LRRC7: variants seen among roughly 807,000 people sequenced by gnomAD.
LRRC7 encodes the protein leucine-rich repeat-containing protein 7.
In LRRC7, 23 loss-of-function variants were observed where a neutral mutation model predicts 175.7. The observed-to-expected ratio is 0.13, with a 90% CI of 0.09 to 0.19. The LOEUF is 0.19. Ranked by LOEUF, LRRC7 falls within the 10% of genes least tolerant of loss-of-function variation. The pLI is 1.00. For missense variants in LRRC7, 1,354 were observed against 1,904.7 expected (o/e 0.71, Z 5.38); for synonymous variants, 685 against 680.9 (o/e 1.01, Z -0.09).
intron 1 of LRRC7, among the ~76,000 whole-genome samples, chr1:69,590,623 AT>A (rs1646593001): frequency 6.6e-6 from 1 of 152,174 alleles, no homozygotes; most frequent in Non-Finnish European, 1.5e-5. Flanking sequence ...GCAGCATCAC[AT>A]AAAAATAGCT....
At chr1:69,629,205 A>G (rs1206268337) in intron 1 of LRRC7, among the ~76,000 whole-genome samples, 1 of 152,150 alleles carries the variant, frequency 6.6e-6, no homozygotes, top group Admixed American at 6.6e-5. Context: ...TTGGCAAAAA[A>G]CATAACTGAG....
At position 69,707,382 on chromosome 1, in the gene LRRC7, C is replaced by T. The variant is rs369442754; in HGVS notation, c.100+28904C>T. 1.9e-3 allele frequency among the ~76,000 whole-genome samples: 288 copies of T among 152,292 alleles called. 1 individual carries two copies. Among genetic ancestry groups the T allele is most frequent in the Middle Eastern group, 0.01 (3 of 294 alleles). ...CTGAGTCACCCTGAGGCATATTCCA[C>T]AGTGTCTGTCAGCATCTGCCCGCAG... On this transcript the variant is annotated intron_variant, in intron 2 of 26. Transcript: ENST00000651989.
At chr1:69,889,342 G>A (rs1404719322) in intron 7 of LRRC7, among the ~76,000 whole-genome samples, 1 of 152,188 alleles carries the variant, frequency 6.6e-6, no homozygotes, top group Non-Finnish European at 1.5e-5. Context: ...TCTGTAGCAT[G>A]TGATGCTATT....
At position 69,887,973 on chromosome 1, in the gene LRRC7, G is replaced by T. The variant is rs570541428; in HGVS notation, c.648-43534G>T. Among the ~76,000 whole-genome samples the T allele has an allele frequency of 1.8e-3, 245 of 136,108 alleles. 1 individual carries two copies. The highest frequency in any genetic ancestry group is 0.014 in the East Asian group (62 of 4,460). 89.3% of individuals were successfully genotyped at this position (136,108 alleles called of 152,430 possible). ...ACCCACTTGAGGAGGCAGTCTGCCC[G>T]TTCTCAGATCTCCAGCTGCGTGTTG... On this transcript the variant is annotated intron_variant, in intron 7 of 26. Coordinates refer to ENST00000651989, the MANE Select transcript of LRRC7 (RefSeq NM_001370785.2).
At chr1:69,994,799 A>C (rs192106479) in intron 11 of LRRC7, among the ~76,000 whole-genome samples, 166 bp downstream of exon 11, 1 of 152,240 alleles carries the variant, frequency 6.6e-6, no homozygotes, top group East Asian at 1.9e-4. Flanking sequence ...TGTATATCTT[A>C]ATTTTATATC....
At chr1:69,945,593 T>C (rs574331488) in intron 8 of LRRC7, among the ~76,000 whole-genome samples, 7 of 152,284 alleles carry the variant, frequency 4.6e-5, no homozygotes, top group Admixed American at 2.6e-4. Context: ...CTTTGGGTAG[T>C]ATGGGCATTA....
intron 3 of LRRC7, among the ~76,000 whole-genome samples, chr1:69,768,700 G>T (rs1380820043): frequency 6.6e-6 from 1 of 152,166 alleles, no homozygotes; most frequent in Non-Finnish European, 1.5e-5. Context: ...ATAAAACACA[G>T]AAAATATAAC....
chr1:70,028,150 T>C, intron 17 of LRRC7, 21 bp from the exon 18 acceptor site: 1 of 1,592,502 alleles, frequency 6.3e-7, no homozygotes, highest in Non-Finnish European at 8.6e-7. Context: ...TTATGTTAAA[T>C]TTCTTTTTGT....
rs560874912 is a variant in LRRC7 at position 69,578,866 on chromosome 1, A to G, written c.2+10225A>G. ...TAAATGACGAGTTAATGGGTGCAGC[A>G]CACCAGCATGGCACATGTATACATA... On this transcript the variant is annotated intron_variant, in intron 1 of 26. Coordinates refer to ENST00000651989, the MANE Select transcript of LRRC7 (RefSeq NM_001370785.2). 1.4e-3 allele frequency among the ~76,000 whole-genome samples: 216 copies of G among 151,286 alleles called. 1 individual carries two copies. Among genetic ancestry groups the G allele is most frequent in the African/African-American group, 4.8e-3 (199 of 41,260 alleles).
At chr1:70,069,034 T>C (rs2102108233) in intron 23 of LRRC7, among the ~76,000 whole-genome samples, 1 of 152,338 alleles carries the variant, frequency 6.6e-6, no homozygotes, top group South Asian at 2.1e-4. Flanking sequence ...TATTTCTTGA[T>C]AGTTGTAGGG....
At chr1:70,078,878 TATAG>T (rs1198649430) in intron 24 of LRRC7, among the ~76,000 whole-genome samples, 2 of 150,598 alleles carry the variant, frequency 1.3e-5, no homozygotes, top group Non-Finnish European at 3.0e-5. Context: ...GCACTGAGGG[TATAG>T]AAACAGAAAA....
At chr1:69,665,876 G>A (rs1035982125) in intron 1 of LRRC7, among the ~76,000 whole-genome samples, 1 of 151,940 alleles carries the variant, frequency 6.6e-6, no homozygotes, top group African/African-American at 2.4e-5. Context: ...AAACAGTGGG[G>A]AAAGTGGACA....
intron 1 of LRRC7, among the ~76,000 whole-genome samples, chr1:69,601,355 G>A (rs1040851853): frequency 1.3e-5 from 2 of 152,084 alleles, no homozygotes; most frequent in African/African-American, 4.8e-5. Flanking sequence ...TTACTGCGTG[G>A]ATCATTCTAG....
chr1:70,039,372 G>A lies in LRRC7; in HGVS notation c.3548G>A (p.Arg1183Lys). 6.2e-7 allele frequency: 1 copy of A among 1,614,090 alleles called. No homozygotes were observed. The highest frequency in any genetic ancestry group is 2.2e-5 in the East Asian group (1 of 44,854). The change falls in exon 21 of 27, where the codon AGA (arginine) becomes AAA (lysine). Residue 1183 changes from arginine to lysine, a missense_variant. This residue lies in a region of LRRC7 where 1,032 missense variants were observed against 1,227.2 expected (regional missense o/e 0.84). Coordinates refer to ENST00000651989, the MANE Select transcript of LRRC7 (RefSeq NM_001370785.2). ...HELPPTDRYG[R>K]PPYRGGLDRQ... is the part of the protein sequence containing the mutation. ...CTGCCCCCAACTGATAGGTACGGCA[G>A]ACCCCCATATAGGGGAGGGCTGGAT... is the stretch of plus-strand genomic sequence containing the variant.
At chr1:69,873,547 G>A (rs902043371) in intron 7 of LRRC7, 4 of 522,466 alleles carry the variant, frequency 7.7e-6, no homozygotes, top group Middle Eastern at 6.5e-4. Context: ...TGTGGAGGGA[G>A]CAGCTTTTCG....
chr1:69,622,199 C>CA (rs980709837), intron 1 of LRRC7, among the ~76,000 whole-genome samples: 3 of 152,104 alleles, frequency 2.0e-5, no homozygotes, highest in African/African-American at 4.8e-5. Context: ...CACTAATAGG[C>CA]AAAAAATTCT....
At chr1:69,814,400 TATTA>T (rs1399391751) in intron 4 of LRRC7, among the ~76,000 whole-genome samples, 6 of 152,150 alleles carry the variant, frequency 3.9e-5, no homozygotes, top group East Asian at 1.9e-4. Flanking sequence ...ACCTTATACT[TATTA>T]ATTAAAATTC....
At chr1:69,704,761 C>A (rs1419838080) in intron 2 of LRRC7, among the ~76,000 whole-genome samples, 1 of 151,878 alleles carries the variant, frequency 6.6e-6, no homozygotes, top group Non-Finnish European at 1.5e-5. Context: ...CCAGATATAA[C>A]AAGCAAAATA....
At chr1:69,691,145 G>A (rs565381673) in intron 2 of LRRC7, among the ~76,000 whole-genome samples, 8 of 152,326 alleles carry the variant, frequency 5.3e-5, no homozygotes, top group Admixed American at 5.2e-4. Context: ...AAGCAGGTCA[G>A]AGGGCAAGCT....
Sources: gnomAD v4.1 joint callset for allele counts (sites outside exome capture counted in the v4.1 genomes callset) on GRCh38, gnomAD v4.1.1 for gene constraint, gnomAD v4.1.1 regional missense constraint, MANE v1.5 for transcripts, NCBI Gene and HGNC (gene_info 2026-07-23, HGNC 2026-07-21) for gene names.